The following PCMTD1 variants were observed in gnomAD, a reference collection of about 807,000 sequenced individuals.
PCMTD1 encodes protein-L-isoaspartate O-methyltransferase domain-containing protein 1.
Under a neutral mutation model 37.6 loss-of-function variants are expected in PCMTD1, and 12 were observed. That is an observed-to-expected ratio of 0.32 (90% confidence interval 0.20 to 0.52). PCMTD1 has a LOEUF of 0.52. Ranked by LOEUF, PCMTD1 falls within the 20% of genes least tolerant of loss-of-function variation. PCMTD1 has a pLI of 0.97. For synonymous variants in PCMTD1, 117 were observed against 135.8 expected (o/e 0.86, Z 0.96); for missense variants, 235 against 421.3 (o/e 0.56, Z 3.87).
chr8:51,890,249 G>A (rs751521574), intron 1 of PCMTD1, among the ~76,000 whole-genome samples: 45 of 152,130 alleles, frequency 3.0e-4, no homozygotes, highest in Non-Finnish European at 5.7e-4. Context: ...TATTAAAAAC[G>A]GTTTAGATGT....
At chr8:51,821,952 G>T (rs1385119823) in intron 5 of PCMTD1, among the ~76,000 whole-genome samples, 2 of 152,080 alleles carry the variant, frequency 1.3e-5, no homozygotes, top group Non-Finnish European at 2.9e-5. Flanking sequence ...AGTCAGGATG[G>T]TCTCAATCTC....
chr8:51,859,127 T>A (rs2038435131), intron 2 of PCMTD1, among the ~76,000 whole-genome samples: 1 of 152,104 alleles, frequency 6.6e-6, no homozygotes, highest in South Asian at 2.1e-4. Flanking sequence ...TAGAGAAGGG[T>A]AAGACAGAAT....
At chr8:51,882,501 A>C (rs1350058404) in intron 1 of PCMTD1, among the ~76,000 whole-genome samples, 1 of 152,034 alleles carries the variant, frequency 6.6e-6, no homozygotes. Context: ...TCTCTCCACA[A>C]AGTGATTATC....
rs772287151 is a variant in PCMTD1 at position 51,820,487 on chromosome 8, T to C, written c.938A>G (p.Lys313Arg). Residue 313 changes from lysine to arginine, a missense_variant, in exon 6 of 6, where the codon AAA (lysine) becomes AGA (arginine). This residue lies in a region of PCMTD1 where 41 missense variants were observed against 36.4 expected (regional missense o/e 1.13). Coordinates refer to ENST00000522514, the MANE Select transcript of PCMTD1 (RefSeq NM_052937.4). Reference protein sequence around the residue: ...EEDEKMEEDNKEEEEKDHNEA... With the variant: ...EEDEKMEEDNREEEEKDHNEA... ...ATTGTGATCTTTTTCCTCCTCTTCTTTGTTATCCTCTTCCATTTTTTCATC... is the reference window on the plus strand; with the variant it reads ...ATTGTGATCTTTTTCCTCCTCTTCTCTGTTATCCTCTTCCATTTTTTCATC... 5.0e-6 allele frequency: 8 copies of C among 1,614,096 alleles called. No individual in the cohort carries two copies. Among genetic ancestry groups the C allele is most frequent in the Middle Eastern group, 1.6e-4 (1 of 6,062 alleles).
chr8:51,876,812 A>C (rs761260234), intron 1 of PCMTD1, among the ~76,000 whole-genome samples: 1 of 152,222 alleles, frequency 6.6e-6, no homozygotes, highest in Non-Finnish European at 1.5e-5. Flanking sequence ...TGAACAAATA[A>C]GTTGGGGGAG....
At chr8:51,825,323 A>G (rs1431543527) in intron 5 of PCMTD1, among the ~76,000 whole-genome samples, 2 of 152,196 alleles carry the variant, frequency 1.3e-5, no homozygotes, top group African/African-American at 4.8e-5. Context: ...TGCAGAATCT[A>G]CAAAGAACTT....
intron 3 of PCMTD1, among the ~76,000 whole-genome samples, chr8:51,838,733 G>C (rs1023043200): frequency 6.6e-6 from 1 of 152,072 alleles, no homozygotes; most frequent in African/African-American, 2.4e-5. Context: ...AGAGGTAAAG[G>C]ACATATTTTA....
At chr8:51,855,836 G>A (rs1430322854) in intron 2 of PCMTD1, among the ~76,000 whole-genome samples, 1 of 151,758 alleles carries the variant, frequency 6.6e-6, no homozygotes, top group Admixed American at 6.6e-5. Context: ...ATTTTTTGAT[G>A]TGTGTGTATT....
At chr8:51,833,768 A>C in intron 3 of PCMTD1, 79 bp from the exon 4 acceptor site, 1 of 1,096,172 alleles carries the variant, frequency 9.1e-7, no homozygotes, top group Non-Finnish European at 1.3e-6. Context: ...CAGTCCTTTG[A>C]AATAATGACG....
At chr8:51,832,496 T>C (rs1444906819) in intron 4 of PCMTD1, among the ~76,000 whole-genome samples, 3 of 152,200 alleles carry the variant, frequency 2.0e-5, no homozygotes, top group East Asian at 1.9e-4. Context: ...TCCACAACTA[T>C]CATGCTAGGT....
Position 51,833,814 on chromosome 8 carries a change from A to T in PCMTD1, c.411-125T>A, listed in dbSNP as rs2038030544. On this transcript the variant is annotated intron_variant, in intron 3 of 5. Transcript: ENST00000522514. ...TAATTATAAGGATAAAATGATTATA[A>T]ACTTTATTTAAATATAATATTTATT... 8 of 594,022 alleles carry T rather than the reference A, an allele frequency of 1.3e-5. No homozygotes were observed. The East Asian group carries it at 2.2e-4, about 16-fold the overall frequency. The allele number at this position is 594,022 out of a possible 1,614,324, so 36.8% of individuals were successfully genotyped here.
intron 1 of PCMTD1, chr8:51,895,938 C>CATTTT (rs2038994554): frequency 3.9e-5 from 1 of 25,736 alleles, no homozygotes; most frequent in African/African-American, 5.8e-5. Flanking sequence ...TGTCCCATTT[C>CATTTT]TTTTTTTTTT....
intron 5 of PCMTD1, among the ~76,000 whole-genome samples, chr8:51,821,928 G>T (rs2037854732): frequency 6.6e-6 from 1 of 152,118 alleles, no homozygotes; most frequent in East Asian, 1.9e-4. Flanking sequence ...GTACAGATGG[G>T]GTTTCACCAT....
chr8:51,877,699 A>G (rs1468461578), intron 1 of PCMTD1, among the ~76,000 whole-genome samples: 2 of 152,206 alleles, frequency 1.3e-5, no homozygotes, highest in Non-Finnish European at 2.9e-5. Context: ...ATGCCCTGAG[A>G]TGGACACTCA....
chr8:51,898,573 A>AGGAC (rs2039044763), intron 1 of PCMTD1, among the ~76,000 whole-genome samples: 1 of 152,160 alleles, frequency 6.6e-6, no homozygotes, highest in Non-Finnish European at 1.5e-5. Flanking sequence ...AGCCCAGGTC[A>AGGAC]GAGCCGAGGA....
intron 1 of PCMTD1, among the ~76,000 whole-genome samples, chr8:51,891,474 C>T (rs1225428340): frequency 1.3e-5 from 2 of 151,566 alleles, no homozygotes; most frequent in African/African-American, 2.4e-5. Flanking sequence ...TTGGATTGCT[C>T]GAGGTCAGGA....
intron 1 of PCMTD1, among the ~76,000 whole-genome samples, chr8:51,897,772 A>G (rs7465225): frequency 0.69 from 104,586 of 152,134 alleles, 42,401 homozygotes; most frequent in Non-Finnish European, 0.9. Context: ...AGGCTTCCCC[A>G]AGCCTACGTA....
intron 2 of PCMTD1, among the ~76,000 whole-genome samples, chr8:51,857,935 T>C (rs984773517): frequency 6.6e-6 from 1 of 152,088 alleles, no homozygotes; most frequent in Non-Finnish European, 1.5e-5. Context: ...GAAGCTGCAG[T>C]GAGCCAAGAC....
chr8:51,870,102 C>G (rs1223292468), intron 1 of PCMTD1: 4 of 152,192 alleles, frequency 2.6e-5, no homozygotes, highest in Admixed American at 6.6e-5. Flanking sequence ...ACAGATGTTG[C>G]AAGGTGGGAG....
Sources: allele counts gnomAD v4.1 joint callset (sites outside exome capture counted in the v4.1 genomes callset), GRCh38; gene constraint gnomAD v4.1.1; regional missense constraint gnomAD v4.1.1; transcripts MANE v1.5; gene names NCBI Gene and HGNC (gene_info 2026-07-23, HGNC 2026-07-21).